Variants in CDK6 observed in about 807,000 individuals in gnomAD.
The protein encoded by CDK6 is cyclin-dependent kinase 6.
A neutral mutation model predicts 37.1 loss-of-function variants in CDK6; 6 were observed. The observed-to-expected ratio is 0.16, with a 90% CI of 0.09 to 0.32. The LOEUF is 0.32. Among genes scored for constraint, CDK6 ranks in the 10% least tolerant of loss-of-function variants. The probability of loss-of-function intolerance (pLI) is 1.00; values close to 1 mark genes in which losing one functional copy is unlikely to be tolerated. For synonymous variants in CDK6, 160 were observed against 161.3 expected, an observed-to-expected ratio of 0.99 and a Z score of 0.06; for missense variants, 224 against 418.9, an observed-to-expected ratio of 0.53 and a Z score of 4.06.
intron 4 of CDK6, among the ~76,000 whole-genome samples, chr7:92,672,965 C>T (rs1159200797): frequency 6.6e-6 from 1 of 152,138 alleles, no homozygotes; most frequent in Non-Finnish European, 1.5e-5. Flanking sequence ...TCTGAGTTGG[C>T]CTTAGTGACT....
intron 5 of CDK6, among the ~76,000 whole-genome samples, chr7:92,650,677 G>T (rs1177697720): frequency 1.3e-5 from 2 of 152,114 alleles, no homozygotes; most frequent in Non-Finnish European, 2.9e-5. Context: ...AATCTCATAC[G>T]TGATTGTTGG....
intron 2 of CDK6, among the ~76,000 whole-genome samples, chr7:92,815,648 G>A (rs1801009783): frequency 6.6e-6 from 1 of 152,168 alleles, no homozygotes; most frequent in Non-Finnish European, 1.5e-5. Flanking sequence ...TCAGAGTTCT[G>A]TAAATTCTGT....
chr7:92,652,864 G>C (rs1245357307), intron 5 of CDK6, among the ~76,000 whole-genome samples: 1 of 152,096 alleles, frequency 6.6e-6, no homozygotes, highest in African/African-American at 2.4e-5. Context: ...TCTCAGCTCA[G>C]GTAAATGCCC....
chr7:92,674,046 A>G (rs1447228413), intron 4 of CDK6, among the ~76,000 whole-genome samples: 3 of 149,248 alleles, frequency 2.0e-5, no homozygotes, highest in African/African-American at 7.4e-5. Flanking sequence ...TCCCAAAGTG[A>G]TAAGATTACA....
intron 5 of CDK6, among the ~76,000 whole-genome samples, chr7:92,647,324 G>A (rs1683699464): frequency 6.6e-6 from 1 of 152,190 alleles, no homozygotes; most frequent in African/African-American, 2.4e-5. Context: ...GGTGTTGTGA[G>A]AGTGAATACC....
rs1797070190 is a variant in CDK6 at position 92,671,479 on chromosome 7, G to T, written c.594C>A (p.Thr198=). 1 of 1,582,950 alleles carries T rather than the reference G, an allele frequency of 6.3e-7. No homozygotes were observed. The highest frequency in any genetic ancestry group is 1.4e-5 in the African/African-American group (1 of 73,028). The change falls in exon 5 of 8, where the codon ACC becomes ACA. Residue 198 remains threonine (T), a synonymous_variant. Coordinates refer to ENST00000424848, the MANE Select transcript of CDK6 (RefSeq NM_001145306.2). The stretch of plus-strand genomic sequence containing the variant: ...AGCCAACACTCCAGAGATCCACGGG[G>T]GTGGCGTAGCTGGACTGGAGCAAGA... ...PEVLLQSSYA[T]PVDLWSVGCI...
Position 92,665,686 on chromosome 7 carries a change from G to A in CDK6, c.647+5740C>T, listed in dbSNP as rs1453513130. Among the ~76,000 whole-genome samples the A allele has an allele frequency of 2.6e-5, 4 of 152,114 alleles. No homozygotes were observed. The East Asian group carries it at 5.8e-4, about 22-fold the overall frequency. ...AATACAGGACAGATTCTAAATCAAA[G>A]CTATTAAATACATGTGTGATTTGCT... On this transcript the variant is annotated intron_variant, in intron 5 of 7. Coordinates refer to ENST00000424848, the MANE Select transcript of CDK6 (RefSeq NM_001145306.2).
At chr7:92,755,562 C>G (rs370184783) in intron 3 of CDK6, among the ~76,000 whole-genome samples, 1 of 152,086 alleles carries the variant, frequency 6.6e-6, no homozygotes, top group Non-Finnish European at 1.5e-5. Flanking sequence ...CAATGTGGTG[C>G]GCACAAACCA....
At chr7:92,812,918 C>T (rs1214165037) in intron 2 of CDK6, among the ~76,000 whole-genome samples, 1 of 152,118 alleles carries the variant, frequency 6.6e-6, no homozygotes, top group African/African-American at 2.4e-5. Context: ...AATTGTCATA[C>T]TAATTTGGTG....
chr7:92,651,240 T>C (rs1273704067), intron 5 of CDK6, among the ~76,000 whole-genome samples: 1 of 152,146 alleles, frequency 6.6e-6, no homozygotes, highest in Non-Finnish European at 1.5e-5. Context: ...CCTCAGATAA[T>C]CCAGAATAAT....
At chr7:92,678,649 T>C (rs1017050259) in intron 4 of CDK6, among the ~76,000 whole-genome samples, 1 of 152,318 alleles carries the variant, frequency 6.6e-6, no homozygotes, top group African/African-American at 2.4e-5. Context: ...ACCAAGGTCT[T>C]GAAAAAATTA....
chr7:92,715,228 T>C, intron 4 of CDK6, among the ~76,000 whole-genome samples: 1 of 152,154 alleles, frequency 6.6e-6, no homozygotes, highest in East Asian at 1.9e-4. Flanking sequence ...AAAAAGAATT[T>C]AAGACAGAAG....
intron 5 of CDK6, chr7:92,671,193 G>T: frequency 2.9e-6 from 1 of 346,440 alleles, no homozygotes. Flanking sequence ...TAAGAACAGT[G>T]GGGTATTCCT....
At chr7:92,641,106 T>A (rs1337682414) in intron 5 of CDK6, among the ~76,000 whole-genome samples, 2 of 152,212 alleles carry the variant, frequency 1.3e-5, no homozygotes, top group South Asian at 4.1e-4. Flanking sequence ...CCATTAGTAA[T>A]GGTCATCTCT....
intron 5 of CDK6, among the ~76,000 whole-genome samples, chr7:92,648,931 C>T (rs1290540384): frequency 1.3e-5 from 2 of 151,964 alleles, no homozygotes; most frequent in African/African-American, 2.4e-5. Context: ...TCATAATCAT[C>T]TTAATTCATA....
At chr7:92,796,163 G>A (rs1450413167) in intron 2 of CDK6, among the ~76,000 whole-genome samples, 4 of 148,052 alleles carry the variant, frequency 2.7e-5, no homozygotes, top group East Asian at 3.9e-4. Flanking sequence ...TTTCTGTAAT[G>A]AGCAACAGAT....
At chr7:92,730,151 T>C (rs1453968068) in intron 3 of CDK6, among the ~76,000 whole-genome samples, 1 of 152,262 alleles carries the variant, frequency 6.6e-6, no homozygotes, top group Non-Finnish European at 1.5e-5. Context: ...TAGACAATTC[T>C]GGATATAGGG....
Position 92,610,722 on chromosome 7 carries a change from A to G in CDK6, c.*4418T>C, listed in dbSNP as rs2116467487. On this transcript the variant is annotated 3_prime_UTR_variant, in exon 8 of 8. Transcript: ENST00000424848. The stretch of plus-strand genomic sequence containing the variant: ...TTCTTGGCACACTTTGGTAGCCTCA[A>G]TAAGTTTTTCCACTGTGGAGATGGA... 1 of 227,658 alleles carries G rather than the reference A, an allele frequency of 4.4e-6. No individual in the cohort carries two copies. The highest frequency in any genetic ancestry group is 6.4e-5 in the East Asian group (1 of 15,710). The allele number at this position is 227,658 out of a possible 1,614,324, so 14.1% of individuals were successfully genotyped here.
intron 4 of CDK6, among the ~76,000 whole-genome samples, chr7:92,710,372 A>C (rs1291437509): frequency 2.6e-5 from 4 of 152,168 alleles, no homozygotes; most frequent in Non-Finnish European, 5.9e-5. Context: ...TATGTGATAT[A>C]ATGCTTTTGA....
Sources: allele counts gnomAD v4.1 joint callset (sites outside exome capture counted in the v4.1 genomes callset), GRCh38; gene constraint gnomAD v4.1.1; transcripts MANE v1.5; gene names NCBI Gene and HGNC (gene_info 2026-07-23, HGNC 2026-07-21).